Variants in PAX2 observed in about 807,000 individuals in gnomAD.
PAX2 encodes the protein paired box 2.
PAX2 carries 9 observed loss-of-function variants against 41.7 expected under a neutral mutation model. The observed-to-expected ratio is 0.22, with a 90% CI of 0.13 to 0.38. The LOEUF is 0.38. PAX2 is among the 10% of genes least tolerant of loss of function. PAX2 has a pLI of 1.00. For synonymous variants in PAX2, 221 were observed against 212.7 expected, an observed-to-expected ratio of 1.04 and a Z score of -0.34; for missense variants, 418 against 531.6, an observed-to-expected ratio of 0.79 and a Z score of 2.10.
chr10:100,749,318 G>T, intron 1 of PAX2: 1 of 1,005,180 alleles, frequency 9.9e-7, no homozygotes, highest in Non-Finnish European at 1.2e-6. Context: ...CCGCACGCGC[G>T]GACAGCTCCC....
intron 3 of PAX2, among the ~76,000 whole-genome samples, chr10:100,769,507 A>G (rs928634423): frequency 2.0e-5 from 3 of 151,930 alleles, no homozygotes; most frequent in Non-Finnish European, 4.4e-5. Flanking sequence ...GTGCACCTAT[A>G]ATCCTAGCTA....
chr10:100,747,526 T>A, intron 1 of PAX2: 1 of 636,808 alleles, frequency 1.6e-6, no homozygotes, highest in Non-Finnish European at 2.0e-6. Context: ...CTCCTCCCTA[T>A]CTGCAGATTA....
At chr10:100,772,282 T>C (rs1251532241) in intron 3 of PAX2, among the ~76,000 whole-genome samples, 1 of 151,894 alleles carries the variant, frequency 6.6e-6, no homozygotes, top group Non-Finnish European at 1.5e-5. Context: ...GCCTCCCGAG[T>C]AGCTGGAACC....
At position 100,786,039 on chromosome 10, in the gene PAX2, G is replaced by A. The variant is rs114656146; in HGVS notation, c.616+4674G>A. On this transcript the variant is annotated intron_variant, in intron 5 of 9. Coordinates refer to ENST00000355243, the MANE Select transcript of PAX2 (RefSeq NM_000278.5). ...CTTCATCTTGGAGACGCATCCTTGT[G>A]TATCTGGGAAAGAAAGCCTAATTGG... 3.4e-3 allele frequency among the ~76,000 whole-genome samples: 512 copies of A among 152,344 alleles called. 4 individuals are homozygous for A. Among genetic ancestry groups the A allele is most frequent in the African/African-American group, 0.012 (483 of 41,578 alleles).
chr10:100,770,484 G>GC (rs1846173440), intron 3 of PAX2, among the ~76,000 whole-genome samples: 1 of 152,184 alleles, frequency 6.6e-6, no homozygotes, highest in African/African-American at 2.4e-5. Context: ...TAAACACATT[G>GC]CCCCTTAATT....
At chr10:100,749,550 T>C in intron 1 of PAX2, 196 bp from the exon 2 acceptor site, 1 of 1,376,336 alleles carries the variant, frequency 7.3e-7, no homozygotes, top group South Asian at 1.9e-5. Flanking sequence ...CAGCCCCCAG[T>C]CTTCAGCCCA....
chr10:100,747,516 C>A, intron 1 of PAX2: 10 of 535,706 alleles, frequency 1.9e-5, no homozygotes, highest in East Asian at 1.5e-4. Context: ...AAATAGAAAA[C>A]TCCTCCCTAT....
intron 7 of PAX2, among the ~76,000 whole-genome samples, chr10:100,814,999 A>G (rs960846342): frequency 4.6e-5 from 7 of 152,216 alleles, no homozygotes; most frequent in Admixed American, 1.3e-4. Flanking sequence ...GTAGCTTCTG[A>G]AAAGGGTTGC....
At chr10:100,743,024 A>G (rs1223252046), upstream of PAX2, among the ~76,000 whole-genome samples, 1 of 151,456 alleles carries the variant, frequency 6.6e-6, no homozygotes, top group African/African-American at 2.4e-5. Flanking sequence ...GCTTTGGAGA[A>G]AAGGGGTTCC....
chr10:100,745,316 C>T (rs1845110342), upstream of PAX2, among the ~76,000 whole-genome samples: 1 of 152,062 alleles, frequency 6.6e-6, no homozygotes, highest in African/African-American at 2.4e-5. Flanking sequence ...CGGTCCGCTC[C>T]CCTCCCTCCC....
intron 5 of PAX2, among the ~76,000 whole-genome samples, chr10:100,796,223 T>C (rs1231826971): frequency 1.3e-5 from 2 of 152,236 alleles, no homozygotes; most frequent in Admixed American, 1.3e-4. Context: ...AGATAACCAC[T>C]GTTGAATTTG....
rs775217965 is a variant in PAX2 at position 100,786,893 on chromosome 10, G to T, written c.616+5528G>T. ...GGATCCTGCCCCCAATCTTCTGCCT[G>T]CCTGTCTTTCGGGATCTCTCAGTGT... On this transcript the variant is annotated intron_variant, in intron 5 of 9. Transcript: ENST00000355243. 7 of 1,160,714 alleles carry T rather than the reference G, an allele frequency of 6.0e-6. No homozygotes were observed. The Admixed American group carries it at 1.3e-4, about 22-fold the overall frequency. 71.9% of individuals were successfully genotyped at this position (1,160,714 alleles called of 1,614,324 possible).
rs566465820 is a variant in PAX2, at chr10:100,807,583, G to T, written c.792+978G>T. ...GCCCACGGTACTCACAGCTAGCCCC[G>T]GCAGCCGCATGGAGCCAGTGGGTGT... On this transcript the variant is annotated intron_variant, in intron 6 of 9. Transcript: ENST00000355243. 3.9e-5 allele frequency among the ~76,000 whole-genome samples: 6 copies of T among 152,220 alleles called. No individual in the cohort carries two copies. The East Asian group carries it at 1.2e-3, about 29-fold the overall frequency.
intron 5 of PAX2, among the ~76,000 whole-genome samples, chr10:100,796,424 C>T (rs765692053): frequency 1.4e-4 from 22 of 152,106 alleles, no homozygotes; most frequent in Non-Finnish European, 2.6e-4. Context: ...TTCCACTGTT[C>T]GATGTACATG....
upstream of PAX2, among the ~76,000 whole-genome samples, chr10:100,745,000 AAG>A (rs1180981511): frequency 6.6e-6 from 1 of 150,814 alleles, no homozygotes; most frequent in African/African-American, 2.4e-5. Context: ...AAGGACCAGA[AAG>A]AGAGGAAGGA....
intron 8 of PAX2, chr10:100,825,096 G>C: frequency 1.2e-6 from 1 of 859,302 alleles, no homozygotes; most frequent in Admixed American, 1.8e-5. Flanking sequence ...GACACTGCTT[G>C]GAAGAGCCTG....
chr10:100,755,462 A>C (rs1029819884), intron 3 of PAX2, among the ~76,000 whole-genome samples: 1 of 152,260 alleles, frequency 6.6e-6, no homozygotes, highest in East Asian at 1.9e-4. Context: ...AAATGAATAA[A>C]TAAATAGTGT....
chr10:100,789,030 C>G (rs1846993248), intron 5 of PAX2, among the ~76,000 whole-genome samples: 1 of 152,132 alleles, frequency 6.6e-6, no homozygotes, highest in South Asian at 2.1e-4. Context: ...TGCTTTTGCT[C>G]TCCTCCCAGA....
rs115615065 is a variant in PAX2, at chr10:100,803,308, C to A, written c.617-3122C>A. Among the ~76,000 whole-genome samples, 725 of 152,108 alleles carry A rather than the reference C, an allele frequency of 4.8e-3. 6 individuals are homozygous for A. The highest frequency in any genetic ancestry group is 0.017 in the African/African-American group (692 of 41,488). On this transcript the variant is annotated intron_variant, in intron 5 of 9. Coordinates refer to ENST00000355243, the MANE Select transcript of PAX2 (RefSeq NM_000278.5). ...TCCTTCTTTCTGCCCTTCCACGCCT[C>A]TGGGCTTCCTCCTTCCCTGAGCTTA...
Sources: gnomAD v4.1 joint callset for allele counts (sites outside exome capture counted in the v4.1 genomes callset) on GRCh38, gnomAD v4.1.1 for gene constraint, MANE v1.5 for transcripts, NCBI Gene and HGNC (gene_info 2026-07-23, HGNC 2026-07-21) for gene names.